Variants in ABI3 observed in about 807,000 individuals in gnomAD.
ABI3 encodes ABI gene family member 3.
Under a neutral mutation model 37.0 loss-of-function variants are expected in ABI3, and 24 were observed. The ratio of observed to expected loss-of-function variants is 0.65; its 90% CI spans 0.47 to 0.91. The LOEUF (loss-of-function observed/expected upper bound fraction) is 0.91. ABI3 is among the 40% of genes least tolerant of loss of function. The pLI, the probability that ABI3 is intolerant of heterozygous loss-of-function variation, is 0.00. For synonymous variants in ABI3, 220 were observed against 211.8 expected (o/e 1.04, Z -0.34); for missense variants, 481 against 485.1 (o/e 0.99, Z 0.08).
intron 2 of ABI3, 120 bp downstream of exon 2, chr17:49,216,818 C>G: frequency 8.3e-7 from 1 of 1,210,518 alleles, no homozygotes; most frequent in Non-Finnish European, 1.1e-6. Context: ...ATGCCCAACT[C>G]TACAGCAGAA....
Position 49,216,713 on chromosome 17 carries a change from G to A in ABI3, c.285+15G>A. On this transcript the variant is annotated intron_variant, in intron 2 of 7. Transcript: ENST00000225941. The stretch of plus-strand genomic sequence containing the variant: ...CGCTGGGCCAGGTAAGGGGCGTGGG[G>A]CGTGGGAAGGCATCTTGTGTCAGGC... 1.4e-6 allele frequency: 2 copies of A among 1,479,634 alleles called. No individual in the cohort carries two copies. The highest frequency in any genetic ancestry group is 1.4e-5 in the African/African-American group (1 of 70,016). The allele number at this position is 1,479,634 out of a possible 1,614,324, so 91.7% of individuals were successfully genotyped here.
intron 6 of ABI3, among the ~76,000 whole-genome samples, chr17:49,221,711 T>C (rs977701501): frequency 6.6e-6 from 1 of 152,050 alleles, no homozygotes; most frequent in African/African-American, 2.4e-5. Context: ...TTGCATGAAA[T>C]GGGTGCATTC....
chr17:49,220,121 G>A, intron 5 of ABI3, 48 bp from the exon 6 acceptor site: 2 of 1,609,872 alleles, frequency 1.2e-6, no homozygotes, highest in Non-Finnish European at 1.7e-6. Flanking sequence ...AGTTGGGGAT[G>A]CTGCATTAGG....
At position 49,222,557 on chromosome 17, in the gene ABI3, A is replaced by G. The variant is rs150100821; in HGVS notation, c.943A>G (p.Thr315Ala). ...VPASYLEKVV[T>A]LYPYTSQKDN... ...CCTCTTCTCTTGCCCTGCAGTGGTG[A>G]CACTGTACCCATACACCAGCCAGAA... Residue 315 changes from threonine to alanine, a missense_variant, in exon 8 of 8, where the codon ACA becomes GCA. By Grantham distance (58) the Thr-to-Ala change is moderately conservative. Coordinates refer to ENST00000225941, the MANE Select transcript of ABI3 (RefSeq NM_016428.3). 6,164 of 1,613,848 alleles carry G rather than the reference A, an allele frequency of 3.8e-3. 17 individuals are homozygous for G. Among genetic ancestry groups the G allele is most frequent in the Non-Finnish European group, 4.6e-3 (5,456 of 1,179,984 alleles).
In ABI3 at chr17:49,222,945, G is replaced by C. The variant is rs1212234389; in HGVS notation, c.*230G>C. ...GGAAACCAAGAAGTTTGTCAACAGA[G>C]GACCCCTACTCCATGCAGGACAGGG... On this transcript the variant is annotated 3_prime_UTR_variant, in exon 8 of 8. Transcript: ENST00000225941. The C allele has an allele frequency of 1.7e-6, 1 of 588,980 alleles. No homozygotes were observed. The highest frequency in any genetic ancestry group is 1.9e-5 in the African/African-American group (1 of 53,772). The allele number at this position is 588,980 out of a possible 1,614,324, so 36.5% of individuals were successfully genotyped here.
chr17:49,216,626 C>T lies in ABI3; in HGVS notation c.213C>T (p.His71=). 2 of 1,611,896 alleles carry T rather than the reference C, an allele frequency of 1.2e-6. No individual in the cohort carries two copies. Among genetic ancestry groups the T allele is most frequent in the Non-Finnish European group, 1.7e-6 (2 of 1,179,226 alleles). ...VAYQVGNLAG[H]TLRMLDLQGA... ...ACCAGGTGGGCAACCTGGCCGGGCACACTCTGCGCATGTTGGACCTGCAGG... is the reference window on the plus strand; with the variant it reads ...ACCAGGTGGGCAACCTGGCCGGGCATACTCTGCGCATGTTGGACCTGCAGG... Residue 71 remains histidine, a synonymous_variant, in exon 2 of 8, where the codon CAC becomes CAT. Coordinates refer to ENST00000225941, the MANE Select transcript of ABI3 (RefSeq NM_016428.3).
rs2043257898 is a variant in ABI3, at chr17:49,219,616, C to T, written c.539C>T (p.Ala180Val). Residue 180 changes from alanine (A) to valine (V), a missense_variant, in exon 4 of 8, where the codon GCC (alanine) becomes GTC (valine). By Grantham distance (64) the Ala-to-Val change is moderately conservative (BLOSUM62 0). Transcript: ENST00000225941. This position sits in a 1 kb window ranked among gnomAD's most constrained non-coding sequence, Gnocchi z 4.3. ...AAGGCCCCTGCCACACCCGCCTCCG[C>T]CACCTTGGGGTGAGGCCTCGCCGCG... The part of the protein sequence containing the change: ...SIKAPATPAS[A>V]TLGRPPRIPE... The T allele has an allele frequency of 6.2e-7, 1 of 1,605,172 alleles. No homozygotes were observed. Among genetic ancestry groups the T allele is most frequent in the African/African-American group, 1.3e-5 (1 of 74,804 alleles).
chr17:49,217,727 C>A lies in ABI3; in HGVS notation c.286-12C>A, dbSNP rs199874905. 17 of 1,601,194 alleles carry A rather than the reference C, an allele frequency of 1.1e-5. No homozygotes were observed. The highest frequency in any genetic ancestry group is 1.4e-5 in the Non-Finnish European group (16 of 1,174,586). On this transcript the variant is annotated splice_polypyrimidine_tract_variant and intron_variant, in intron 2 of 7. Transcript: ENST00000225941. ...ACCACCCCTCTCTGTCACCTTGAACCCTGTCATGCAGATGGTGAACATGCA... is the reference window on the plus strand; with the variant it reads ...ACCACCCCTCTCTGTCACCTTGAACACTGTCATGCAGATGGTGAACATGCA...
intron 1 of ABI3, among the ~76,000 whole-genome samples, chr17:49,214,322 A>G (rs2043199395): frequency 6.6e-6 from 1 of 152,208 alleles, no homozygotes; most frequent in South Asian, 2.1e-4. Context: ...TGGCAACTCC[A>G]TGACCCGACC....
intron 7 of ABI3, 86 bp downstream of exon 7, chr17:49,222,311 A>T: frequency 6.6e-7 from 1 of 1,520,640 alleles, no homozygotes; most frequent in Non-Finnish European, 8.8e-7. Flanking sequence ...CAAAGGTGTG[A>T]ATCTATCCCC....
intron 1 of ABI3, 70 bp from the exon 2 acceptor site, chr17:49,216,461 A>G: frequency 2.9e-6 from 4 of 1,369,340 alleles, no homozygotes; most frequent in Non-Finnish European, 3.8e-6. Context: ...ATCCTCTCCC[A>G]TCCCACCCCA....
intron 1 of ABI3, among the ~76,000 whole-genome samples, chr17:49,211,891 C>T (rs2043171505): frequency 6.6e-6 from 1 of 152,022 alleles, no homozygotes; most frequent in African/African-American, 2.4e-5. Context: ...GGTGATCCAC[C>T]CGCCTTGGCC....
chr17:49,222,573 CCAG>C lies in ABI3; in HGVS notation c.961_963del (p.Ser321del), dbSNP rs1390145312. The C allele has an allele frequency of 6.2e-7, 1 of 1,613,868 alleles. No homozygotes were observed. Among genetic ancestry groups the C allele is most frequent in the East Asian group, 2.2e-5 (1 of 44,894 alleles). Reference sequence around the variant, plus strand: ...GCAGTGGTGACACTGTACCCATACACCAGCCAGAAGGACAATGAGCTCTCCTTC... The same window carrying C: ...GCAGTGGTGACACTGTACCCATACACCCAGAAGGACAATGAGCTCTCCTTC... On this transcript the variant is annotated inframe_deletion, in exon 8 of 8. Transcript: ENST00000225941.
At chr17:49,221,389 T>G (rs2043285943) in intron 6 of ABI3, among the ~76,000 whole-genome samples, 1 of 151,858 alleles carries the variant, frequency 6.6e-6, no homozygotes, top group South Asian at 2.1e-4. Flanking sequence ...GAGAATGGCG[T>G]GAACCCGGGA....
chr17:49,213,630 G>A (rs189693749), intron 1 of ABI3, among the ~76,000 whole-genome samples: 12 of 152,344 alleles, frequency 7.9e-5, no homozygotes, highest in African/African-American at 2.9e-4. Context: ...CCGCAGAGAT[G>A]GATCTCAGAC....
Position 49,217,829 on chromosome 17 carries a change from GC to G in ABI3, c.380del (p.Pro127GlnfsTer188). ...GCTGCCCCCCGGCCAGAAGGTCATCGCCCCAGAGAACCTACCCCCTCTCACG... is the reference window on the plus strand; with the variant it reads ...GCTGCCCCCCGGCCAGAAGGTCATCGCCCAGAGAACCTACCCCCTCTCACG... ...QRLPPGQKVI[A>X]PENLPPLTPY... On this transcript the variant is annotated frameshift_variant, in exon 3 of 8. Coordinates refer to ENST00000225941, the MANE Select transcript of ABI3 (RefSeq NM_016428.3). LOFTEE classifies it high-confidence loss of function. 1 of 1,609,996 alleles carries G rather than the reference GC, an allele frequency of 6.2e-7. No individual in the cohort carries two copies. Among genetic ancestry groups the G allele is most frequent in the Non-Finnish European group, 8.5e-7 (1 of 1,178,252 alleles).
rs1211706767 is a variant in ABI3 at position 49,210,875 on chromosome 17, C to A, written c.117+34C>A. On this transcript the variant is annotated intron_variant, in intron 1 of 7. Transcript: ENST00000225941. This position sits in a 1 kb window ranked among gnomAD's most constrained non-coding sequence, Gnocchi z 4.2. Reference sequence around the variant, plus strand: ...AGCGGGCGGAAGCCTGACACCCCAGCCCCCGGAGGGGGGACCCTGAGCCCT... The same window carrying A: ...AGCGGGCGGAAGCCTGACACCCCAGACCCCGGAGGGGGGACCCTGAGCCCT... 1 of 1,517,318 alleles carries A rather than the reference C, an allele frequency of 6.6e-7. No individual in the cohort carries two copies. The highest frequency in any genetic ancestry group is 2.5e-5 in the East Asian group (1 of 40,412). 94.0% of individuals were successfully genotyped at this position (1,517,318 alleles called of 1,614,324 possible).
Position 49,217,678 on chromosome 17 carries a change from TAGG to T in ABI3, c.286-60_286-58del. 4.0e-6 allele frequency: 6 copies of T among 1,494,356 alleles called. No homozygotes were observed. The South Asian group carries it at 7.6e-5, about 19-fold the overall frequency. 92.6% of individuals were successfully genotyped at this position (1,494,356 alleles called of 1,614,324 possible). On this transcript the variant is annotated intron_variant, in intron 2 of 7. Coordinates refer to ENST00000225941, the MANE Select transcript of ABI3 (RefSeq NM_016428.3). Reference sequence around the variant, plus strand: ...GCCCAGTCTTTATCTTCTTCCTCCTTAGGGGGAAGGGTGCTGGACACAGACCAC... The same window carrying T: ...GCCCAGTCTTTATCTTCTTCCTCCTTGGGAAGGGTGCTGGACACAGACCAC...
chr17:49,222,621 G>T lies in ABI3; in HGVS notation c.1007G>T (p.Cys336Phe), dbSNP rs2043304912. Reference protein sequence around the residue: ...ELSFSEGTVICVTRRYSDGWC... With the variant: ...ELSFSEGTVIFVTRRYSDGWC... ...TCCTTCTCTGAGGGCACTGTCATCT[G>T]TGTCACTCGCCGCTACTCCGATGGC... The change falls in exon 8 of 8, where the codon TGT (cysteine) becomes TTT (phenylalanine). Residue 336 changes from cysteine to phenylalanine, a missense_variant. Physicochemically the swap from Cys to Phe is radical, Grantham distance 205 (BLOSUM62 -2). Transcript: ENST00000225941. 1 of 1,613,906 alleles carries T rather than the reference G, an allele frequency of 6.2e-7. No individual in the cohort carries two copies. The highest frequency in any genetic ancestry group is 1.3e-5 in the African/African-American group (1 of 74,930).
Sources: allele counts gnomAD v4.1 joint callset (sites outside exome capture counted in the v4.1 genomes callset), GRCh38; gene constraint gnomAD v4.1.1; non-coding constraint Gnocchi (gnomAD v3.1); transcripts MANE v1.5; gene names NCBI Gene and HGNC (gene_info 2026-07-23, HGNC 2026-07-21).